The following ADAMTSL1 variants were observed in gnomAD, a reference collection of about 807,000 sequenced individuals.
ADAMTSL1 encodes the protein ADAMTS-like protein 1.
A neutral mutation model predicts 201.8 loss-of-function variants in ADAMTSL1; 126 were observed. That is an observed-to-expected ratio of 0.62 (90% CI 0.54 to 0.72). ADAMTSL1 has a LOEUF of 0.72. Among genes scored for constraint, ADAMTSL1 ranks in the 30% least tolerant of loss-of-function variants. The probability of loss-of-function intolerance (pLI) is 0.00; values close to 1 mark genes in which losing one functional copy is unlikely to be tolerated. For missense variants in ADAMTSL1, 2,679 were observed against 2,277.8 expected, an observed-to-expected ratio of 1.18 and a Z score of -3.59; for synonymous variants, 1,121 against 903.4, an observed-to-expected ratio of 1.24 and a Z score of -4.32.
At chr9:18,564,141 G>T (rs192484838) in intron 3 of ADAMTSL1, among the ~76,000 whole-genome samples, 4 of 152,202 alleles carry the variant, frequency 2.6e-5, no homozygotes, top group African/African-American at 7.2e-5. Context: ...CCCTGGTTGC[G>T]TGGGCACCTG....
At chr9:18,269,731 G>A (rs1033299718) in intron 2 of ADAMTSL1, among the ~76,000 whole-genome samples, 1 of 151,998 alleles carries the variant, frequency 6.6e-6, no homozygotes, top group African/African-American at 2.4e-5. Flanking sequence ...TTGCAGTTTT[G>A]TTTGGGTGAT....
intron 12 of ADAMTSL1, 27 bp from the exon 13 acceptor site, chr9:18,684,689 T>C (rs1830715444): frequency 6.2e-7 from 1 of 1,607,402 alleles, no homozygotes; most frequent in Non-Finnish European, 8.5e-7. Flanking sequence ...ACCTCTTCTT[T>C]TGTATGTGCA....
At chr9:18,226,862 AT>A (rs529717488) in intron 2 of ADAMTSL1, among the ~76,000 whole-genome samples, 87 of 152,230 alleles carry the variant, frequency 5.7e-4, no homozygotes, top group African/African-American at 1.9e-3. Context: ...ATAATCATGA[AT>A]CCAGCATGAA....
At chr9:17,974,079 A>G (rs544887180) in intron 1 of ADAMTSL1, among the ~76,000 whole-genome samples, 5 of 152,152 alleles carry the variant, frequency 3.3e-5, no homozygotes, top group South Asian at 2.1e-4. Flanking sequence ...TAAATTAGGT[A>G]TTGATGGGAC....
At chr9:18,206,844 T>A (rs1270052947) in intron 2 of ADAMTSL1, among the ~76,000 whole-genome samples, 2 of 152,126 alleles carry the variant, frequency 1.3e-5, no homozygotes, top group Non-Finnish European at 2.9e-5. Context: ...GAAATCTGTC[T>A]CCTACGTGAC....
At chr9:18,659,519 C>T (rs1413836606) in intron 8 of ADAMTSL1, among the ~76,000 whole-genome samples, 2 of 152,210 alleles carry the variant, frequency 1.3e-5, no homozygotes, top group African/African-American at 4.8e-5. Flanking sequence ...AATCCCAGCA[C>T]TTTGGGAAGC....
chr9:18,236,608 A>G (rs979004473), intron 2 of ADAMTSL1, among the ~76,000 whole-genome samples: 1 of 152,174 alleles, frequency 6.6e-6, no homozygotes, highest in African/African-American at 2.4e-5. Context: ...TTCAGCTGTT[A>G]TTTTTAGGTT....
rs1352571180 is a variant in ADAMTSL1 at position 18,710,661 on chromosome 9, G to GTTTT, written c.1876+3614_1876+3617dup. 3.6e-3 allele frequency among the ~76,000 whole-genome samples: 287 copies of GTTTT among 79,578 alleles called. 44 individuals carry two copies. The highest frequency in any genetic ancestry group is 5.9e-3 in the South Asian group (12 of 2,028). The allele number at this position is 79,578 out of a possible 152,430, so 52.2% of individuals were successfully genotyped here. A position where few individuals can be genotyped will look rare whatever the true frequency, so the allele number is the denominator to read the frequency against. ...TCCTTGCAGTCTTAGAAGGGCCTAA[G>GTTTT]TTTTGTTTTGTTTTTTTTTTTTTTT... is the stretch of plus-strand genomic sequence containing the variant. On this transcript the variant is annotated intron_variant, in intron 14 of 28. Coordinates refer to ENST00000380548, the MANE Select transcript of ADAMTSL1 (RefSeq NM_001040272.6).
At chr9:18,055,630 C>A (rs555661534) in intron 1 of ADAMTSL1, among the ~76,000 whole-genome samples, 1 of 152,200 alleles carries the variant, frequency 6.6e-6, no homozygotes, top group Non-Finnish European at 1.5e-5. Context: ...CACGAGGAGT[C>A]GTAAGCACAT....
At chr9:18,043,448 A>G (rs1393044838) in intron 1 of ADAMTSL1, among the ~76,000 whole-genome samples, 1 of 152,076 alleles carries the variant, frequency 6.6e-6, no homozygotes, top group Non-Finnish European at 1.5e-5. Context: ...CTATTTTACC[A>G]CCTGGGCTAC....
chr9:18,177,873 C>G (rs1828246093), intron 2 of ADAMTSL1, among the ~76,000 whole-genome samples: 1 of 152,178 alleles, frequency 6.6e-6, no homozygotes, highest in Non-Finnish European at 1.5e-5. Context: ...AGCTAACAGT[C>G]TCTGCCACAG....
At chr9:17,986,847 C>T (rs879799207) in intron 1 of ADAMTSL1, among the ~76,000 whole-genome samples, 2 of 152,054 alleles carry the variant, frequency 1.3e-5, no homozygotes, top group African/African-American at 2.4e-5. Context: ...CCTCATACTC[C>T]ATTTGACACT....
chr9:18,771,613 A>C (rs1053059501), intron 17 of ADAMTSL1, among the ~76,000 whole-genome samples: 1 of 151,770 alleles, frequency 6.6e-6, no homozygotes, highest in African/African-American at 2.4e-5. Context: ...CAGAATCACT[A>C]GACCTGAAGT....
At chr9:18,284,245 A>G (rs75152845) in intron 2 of ADAMTSL1, among the ~76,000 whole-genome samples, 99 of 152,254 alleles carry the variant, frequency 6.5e-4, no homozygotes, top group African/African-American at 2.2e-3. Flanking sequence ...AATAAAATAA[A>G]AAAAGAATTA....
At chr9:18,065,415 C>T (rs1246956838) in intron 1 of ADAMTSL1, among the ~76,000 whole-genome samples, 2 of 152,118 alleles carry the variant, frequency 1.3e-5, no homozygotes, top group African/African-American at 2.4e-5. Context: ...CATTTGCATG[C>T]CCTCTTTATA....
At chr9:18,480,073 T>C (rs1821646171) in intron 1 of ADAMTSL1, among the ~76,000 whole-genome samples, 1 of 152,246 alleles carries the variant, frequency 6.6e-6, no homozygotes, top group Admixed American at 6.5e-5. Flanking sequence ...AGTTCTCAAA[T>C]ATTTTTCCTT....
Position 18,639,324 on chromosome 9 carries a change from G to C in ADAMTSL1, c.747G>C (p.Val249=), listed in dbSNP as rs1437240101. The C allele has an allele frequency of 6.2e-7, 1 of 1,612,992 alleles. No individual in the cohort carries two copies. Among genetic ancestry groups the C allele is most frequent in the Admixed American group, 1.7e-5 (1 of 59,854 alleles). Residue 249 remains valine, a synonymous_variant, in exon 7 of 29, where the codon GTG becomes GTC. Coordinates refer to ENST00000380548, the MANE Select transcript of ADAMTSL1 (RefSeq NM_001040272.6). ...TCAGCTCCACAGGAACTTTCCTTGTGGACAATTCTAGTGTGGACTTCCAGA... is the reference window on the plus strand; with the variant it reads ...TCAGCTCCACAGGAACTTTCCTTGTCGACAATTCTAGTGTGGACTTCCAGA... ...NSLSSTGTFL[V]DNSSVDFQKF... is the part of the protein sequence containing the mutation.
chr9:18,053,869 T>C (rs1822052525), intron 1 of ADAMTSL1, among the ~76,000 whole-genome samples: 1 of 152,232 alleles, frequency 6.6e-6, no homozygotes, highest in African/African-American at 2.4e-5. Flanking sequence ...AGGCAATGTC[T>C]TTTGAAGTAA....
intron 1 of ADAMTSL1, among the ~76,000 whole-genome samples, chr9:18,060,849 CT>C (rs1244564723): frequency 6.6e-6 from 1 of 152,116 alleles, no homozygotes; most frequent in Non-Finnish European, 1.5e-5. Context: ...TACTTATTAA[CT>C]TTTTGGATTG....
Sources: allele counts gnomAD v4.1 joint callset (sites outside exome capture counted in the v4.1 genomes callset), GRCh38; gene constraint gnomAD v4.1.1; transcripts MANE v1.5; gene names NCBI Gene and HGNC (gene_info 2026-07-23, HGNC 2026-07-21).